The following HSPA9 variants were observed in gnomAD, a reference collection of about 807,000 sequenced individuals.
HSPA9 encodes heat shock protein family A (Hsp70) member 9.
In HSPA9, 28 loss-of-function variants were observed where a neutral mutation model predicts 81.5. That is an observed-to-expected ratio of 0.34 (90% CI 0.25 to 0.47). The LOEUF (loss-of-function observed/expected upper bound fraction) is 0.47. HSPA9 is among the 20% of genes least tolerant of loss of function. The pLI is 1.00. For synonymous variants in HSPA9, 293 were observed against 290.4 expected, an observed-to-expected ratio of 1.01 and a Z score of -0.09; for missense variants, 678 against 838.0, an observed-to-expected ratio of 0.81 and a Z score of 2.36.
chr5:138,571,595 G>T (rs918913870), intron 3 of HSPA9, among the ~76,000 whole-genome samples: 1 of 151,788 alleles, frequency 6.6e-6, no homozygotes, highest in Non-Finnish European at 1.5e-5. Flanking sequence ...GATAGTTAAT[G>T]AACAGTAGAT....
rs138474872 is a variant in HSPA9 at position 138,574,627 on chromosome 5, C to G, written c.82-501G>C. ...TTACAACTTAACCTCAGGCTCCTTC[C>G]AAGCCTTCCTTAATGCCCACATACA... On this transcript the variant is annotated intron_variant, in intron 1 of 16. Coordinates refer to ENST00000297185, the MANE Select transcript of HSPA9 (RefSeq NM_004134.7). 3.0e-3 allele frequency: 505 copies of G among 171,148 alleles called. 1 individual carries two copies. The highest frequency in any genetic ancestry group is 8.1e-3 in the African/African-American group (338 of 41,720). The allele number at this position is 171,148 out of a possible 1,614,324, so 10.6% of individuals were successfully genotyped here.
At chr5:138,557,095 C>T (rs1409679261) in intron 14 of HSPA9, 35 of 611,660 alleles carry the variant, frequency 5.7e-5, no homozygotes, top group Non-Finnish European at 9.3e-5. Context: ...AATAAAGGCA[C>T]TGCAAACATA....
chr5:138,556,717 C>A (rs1470037708), intron 15 of HSPA9, 57 bp downstream of exon 15: 2 of 1,560,574 alleles, frequency 1.3e-6, no homozygotes, highest in African/African-American at 2.7e-5. Context: ...AAATAAACTT[C>A]ACTGGCATTG....
intron 4 of HSPA9, 139 bp downstream of exon 4, chr5:138,570,821 T>C: frequency 1.2e-6 from 1 of 813,046 alleles, no homozygotes; most frequent in Non-Finnish European, 2.1e-6. Context: ...CTTTTGGCAG[T>C]GGTACAGATT....
intron 10 of HSPA9, among the ~76,000 whole-genome samples, chr5:138,561,342 CAT>C (rs1750655922): frequency 6.6e-6 from 1 of 152,180 alleles, no homozygotes; most frequent in Non-Finnish European, 1.5e-5. Context: ...AAATTAGACT[CAT>C]GTGATCTGCC....
chr5:138,555,994 A>C lies in HSPA9; in HGVS notation c.*43T>G. 1 of 1,420,612 alleles carries C rather than the reference A, an allele frequency of 7.0e-7. No individual in the cohort carries two copies. The highest frequency in any genetic ancestry group is 1.0e-6 in the Non-Finnish European group (1 of 1,004,828). The allele number at this position is 1,420,612 out of a possible 1,614,324, so 88.0% of individuals were successfully genotyped here. A position where few individuals can be genotyped will look rare whatever the true frequency, so the allele number is the denominator to read the frequency against. On this transcript the variant is annotated 3_prime_UTR_variant, in exon 17 of 17. Coordinates refer to ENST00000297185, the MANE Select transcript of HSPA9 (RefSeq NM_004134.7). ...TGCTCAGGAAGTCTCTTCACTCCTA[A>C]GCTTCATATGTTGTCCTTCTGGCTT...
intron 9 of HSPA9, among the ~76,000 whole-genome samples, chr5:138,564,797 A>G (rs2127157233): frequency 6.6e-6 from 1 of 152,036 alleles, no homozygotes; most frequent in East Asian, 1.9e-4. Context: ...AATGCTCACA[A>G]CTCTTAGGGG....
chr5:138,568,253 C>CT (rs891960959), intron 5 of HSPA9, among the ~76,000 whole-genome samples: 1 of 151,512 alleles, frequency 6.6e-6, no homozygotes, highest in African/African-American at 2.4e-5. Flanking sequence ...TCCCAGCACT[C>CT]TGAGAGGCTG....
chr5:138,573,715 A>G, intron 3 of HSPA9, 48 bp downstream of exon 3: 1 of 1,156,806 alleles, frequency 8.6e-7, no homozygotes, highest in Non-Finnish European at 1.3e-6. Context: ...AAGAGCACAG[A>G]ATTCTGGACA....
Position 138,555,879 on chromosome 5 carries a change from C to T in HSPA9, c.*158G>A, listed in dbSNP as rs570088087. The T allele has an allele frequency of 4.6e-6, 3 of 656,540 alleles. No homozygotes were observed. The highest frequency in any genetic ancestry group is 2.7e-5 in the East Asian group (1 of 36,578). The allele number at this position is 656,540 out of a possible 1,614,324, so 40.7% of individuals were successfully genotyped here. On this transcript the variant is annotated 3_prime_UTR_variant, in exon 17 of 17. Transcript: ENST00000297185. The stretch of plus-strand genomic sequence containing the variant: ...AGAATCACTGTCCATTAAATGATCA[C>T]TAGCTAATGGTCACTAAATTTACAA...
intron 10 of HSPA9, among the ~76,000 whole-genome samples, chr5:138,560,621 C>T (rs1415044385): frequency 6.7e-6 from 1 of 149,586 alleles, no homozygotes; most frequent in African/African-American, 2.5e-5. Flanking sequence ...AGTGCGGTGG[C>T]GCAATCTCCA....
chr5:138,558,414 T>C, intron 12 of HSPA9, 139 bp downstream of exon 12: 1 of 712,200 alleles, frequency 1.4e-6, no homozygotes, highest in South Asian at 1.5e-5. Flanking sequence ...GCCATGGGTA[T>C]CTAGTTGCAT....
In HSPA9 at chr5:138,575,323, G is replaced by A. The variant is rs757991693; in HGVS notation, c.-5C>T. ...AGCTCGGCTGGCACTTATCATGGCG[G>A]ATAAATGGAGGAGTACGAGGCAGCA... On this transcript the variant is annotated 5_prime_UTR_variant, in exon 1 of 17. Coordinates refer to ENST00000297185, the MANE Select transcript of HSPA9 (RefSeq NM_004134.7). 5 of 1,610,568 alleles carry A rather than the reference G, an allele frequency of 3.1e-6. No individual in the cohort carries two copies. Among genetic ancestry groups the A allele is most frequent in the South Asian group, 1.1e-5 (1 of 90,782 alleles).
In HSPA9 at chr5:138,575,339, C is replaced by T. The variant is rs774847378; in HGVS notation, c.-21G>A. The T allele has an allele frequency of 1.3e-5, 21 of 1,601,464 alleles. No homozygotes were observed. The highest frequency in any genetic ancestry group is 1.2e-4 in the South Asian group (11 of 90,330). ...ATCATGGCGGATAAATGGAGGAGTACGAGGCAGCAAACAAGCGCTCCGACG... is the reference window on the plus strand; with the variant it reads ...ATCATGGCGGATAAATGGAGGAGTATGAGGCAGCAAACAAGCGCTCCGACG... On this transcript the variant is annotated 5_prime_UTR_variant, in exon 1 of 17. Coordinates refer to ENST00000297185, the MANE Select transcript of HSPA9 (RefSeq NM_004134.7).
chr5:138,559,803 C>A (rs1452270454), intron 11 of HSPA9, 61 bp downstream of exon 11: 2 of 1,107,122 alleles, frequency 1.8e-6, no homozygotes, highest in African/African-American at 3.1e-5. Flanking sequence ...AAAGTGGCTG[C>A]AATTACATCC....
At chr5:138,557,070 G>A in intron 14 of HSPA9, 1 of 621,770 alleles carries the variant, frequency 1.6e-6, no homozygotes, top group Non-Finnish European at 2.9e-6. Context: ...TTGTGACAGG[G>A]AAAACAGAAG....
Position 138,557,989 on chromosome 5 carries a change from A to T in HSPA9, c.1516-3T>A. On this transcript the variant is annotated splice_region_variant and splice_polypyrimidine_tract_variant and intron_variant, in intron 12 of 16. Transcript: ENST00000297185. ...CGAGGGGCTGGTGGAATTCCAATCT[A>T]AAATAAATAATATCCAGAGTAAGGT... 1 of 1,568,890 alleles carries T rather than the reference A, an allele frequency of 6.4e-7. No individual in the cohort carries two copies. Among genetic ancestry groups the T allele is most frequent in the African/African-American group, 1.3e-5 (1 of 74,140 alleles).
chr5:138,558,660 A>AG lies in HSPA9; in HGVS notation c.1411-4dup, dbSNP rs747193964. 1.9e-6 allele frequency: 3 copies of AG among 1,591,762 alleles called. No homozygotes were observed. The highest frequency in any genetic ancestry group is 3.3e-5 in the Admixed American group (2 of 59,956). On this transcript the variant is annotated splice_region_variant and splice_polypyrimidine_tract_variant and intron_variant, in intron 11 of 16. Transcript: ENST00000297185. Reference sequence around the variant, plus strand: ...CCATCAGCGGCAGTAGAGAATACCTAGGGAAGAAGAAACCCTCCTGGGTTG... The same window carrying AG: ...CCATCAGCGGCAGTAGAGAATACCTAGGGGAAGAAGAAACCCTCCTGGGTTG...
chr5:138,564,735 G>A (rs1225614794), intron 9 of HSPA9, among the ~76,000 whole-genome samples: 1 of 151,554 alleles, frequency 6.6e-6, no homozygotes, highest in Non-Finnish European at 1.5e-5. Flanking sequence ...TACATTTAGA[G>A]TATTCACAAT....
Sources: allele counts gnomAD v4.1 joint callset (sites outside exome capture counted in the v4.1 genomes callset), GRCh38; gene constraint gnomAD v4.1.1; transcripts MANE v1.5; gene names NCBI Gene and HGNC (gene_info 2026-07-23, HGNC 2026-07-21).